Variants in GNG2 observed in about 807,000 individuals in gnomAD.
GNG2 encodes the protein G protein subunit gamma 2.
In GNG2, 5 loss-of-function variants were observed where a neutral mutation model predicts 5.5. The observed-to-expected ratio is 0.91, with a 90% CI of 0.48 to 1.92. The LOEUF is 1.92. Among genes scored for constraint, GNG2 ranks in the 30% most tolerant of loss-of-function variants. The pLI, the probability that GNG2 is intolerant of heterozygous loss-of-function variation, is 0.01. For missense variants in GNG2, 55 were observed against 88.4 expected (o/e 0.62, Z 1.52); for synonymous variants, 28 against 32.0 (o/e 0.88, Z 0.42).
At chr14:51,966,264 G>A (rs1325050856) in intron 3 of GNG2, among the ~76,000 whole-genome samples, 1 of 147,502 alleles carries the variant, frequency 6.8e-6, no homozygotes, top group Non-Finnish European at 1.5e-5. Context: ...CCACCTGCGG[G>A]GCTATGGAAG....
At chr14:51,828,579 ATC>A (rs371468616) in intron 2 of GNG2, among the ~76,000 whole-genome samples, 82 of 152,250 alleles carry the variant, frequency 5.4e-4, no homozygotes, top group Middle Eastern at 3.4e-3. Context: ...GGCTTATGAT[ATC>A]TGTCTGACTC....
intron 2 of GNG2, among the ~76,000 whole-genome samples, chr14:51,835,374 G>A (rs2983088): frequency 0.9 from 137,142 of 152,208 alleles, 62,550 homozygotes; most frequent in Non-Finnish European, 0.98. Context: ...TACTATTTAT[G>A]TTCAGACCTC....
intron 2 of GNG2, among the ~76,000 whole-genome samples, chr14:51,908,569 T>TAGAG (rs1204424222): frequency 6.6e-6 from 1 of 151,292 alleles, no homozygotes; most frequent in Non-Finnish European, 1.5e-5. Context: ...TATCCATATA[T>TAGAG]ATAGAGAGAG....
intron 2 of GNG2, among the ~76,000 whole-genome samples, chr14:51,896,793 T>C (rs1268801374): frequency 2.6e-5 from 4 of 152,140 alleles, no homozygotes; most frequent in Admixed American, 6.5e-5. Flanking sequence ...ATTATAGCCA[T>C]AAACTTTAAA....
In GNG2 at chr14:51,969,506, T is replaced by C. The variant is rs1890104668; in HGVS notation, c.*2819T>C. 6.6e-6 allele frequency: 1 copy of C among 152,244 alleles called. No individual in the cohort carries two copies. Among genetic ancestry groups the C allele is most frequent in the Non-Finnish European group, 1.5e-5 (1 of 68,044 alleles). 9.4% of individuals were successfully genotyped at this position (152,244 alleles called of 1,614,324 possible). A position where few individuals can be genotyped will look rare whatever the true frequency, so the allele number is the denominator to read the frequency against. ...TTCTCCATACGCTCATAGTCACATATGGAATTTTGAGAAAATAAAGCATGC... is the reference window on the plus strand; with the variant it reads ...TTCTCCATACGCTCATAGTCACATACGGAATTTTGAGAAAATAAAGCATGC... On this transcript the variant is annotated 3_prime_UTR_variant, in exon 4 of 4. Transcript: ENST00000556766.
intron 2 of GNG2, among the ~76,000 whole-genome samples, chr14:51,836,799 A>G (rs1241053320): frequency 6.6e-6 from 1 of 151,854 alleles, no homozygotes; most frequent in South Asian, 2.1e-4. Flanking sequence ...TATCACTAAA[A>G]GTTTGTTTTT....
chr14:51,939,862 A>C (rs1888214025), intron 2 of GNG2: 1 of 152,204 alleles, frequency 6.6e-6, no homozygotes, highest in African/African-American at 2.4e-5. Flanking sequence ...TGCCTCTGAA[A>C]ATGTGAATTG....
chr14:51,830,752 A>T (rs1234682124), intron 2 of GNG2, among the ~76,000 whole-genome samples: 2 of 152,170 alleles, frequency 1.3e-5, no homozygotes, highest in Non-Finnish European at 2.9e-5. Context: ...ATAGCTTCTT[A>T]ATAAGCCTCC....
Position 51,929,836 on chromosome 14 carries a change from C to T in GNG2, c.-29-20814C>T, listed in dbSNP as rs900198835. Among the ~76,000 whole-genome samples, 25 of 152,324 alleles carry T rather than the reference C, an allele frequency of 1.6e-4. 1 individual carries two copies. The East Asian group carries it at 4.8e-3, about 29-fold the overall frequency. ...GGCAACAGTTGTGGCGCAGGCTGCT[C>T]TGATGCCAGTTAGACAGATAAATGA... On this transcript the variant is annotated intron_variant, in intron 2 of 3. Coordinates refer to ENST00000556766, the MANE Select transcript of GNG2 (RefSeq NM_053064.5).
chr14:51,850,468 A>C (rs1216739109), intron 2 of GNG2, among the ~76,000 whole-genome samples: 2 of 152,180 alleles, frequency 1.3e-5, no homozygotes, highest in Non-Finnish European at 2.9e-5. Flanking sequence ...TCTGTGGCAC[A>C]TATGAGGCTA....
chr14:51,948,510 A>C (rs1888771866), intron 2 of GNG2, among the ~76,000 whole-genome samples: 1 of 152,160 alleles, frequency 6.6e-6, no homozygotes, highest in African/African-American at 2.4e-5. Flanking sequence ...TGCATCCAAT[A>C]TTGGATGAAT....
rs55746988 is a variant in GNG2 at position 51,877,768 on chromosome 14, G to T, written c.-30+111G>T. The T allele has an allele frequency of 9.6e-4, 348 of 361,486 alleles. 3 individuals carry two copies. Among genetic ancestry groups the T allele is most frequent in the Non-Finnish European group, 1.5e-3 (269 of 180,060 alleles). 22.4% of individuals were successfully genotyped at this position (361,486 alleles called of 1,614,324 possible). A position where few individuals can be genotyped will look rare whatever the true frequency, so the allele number is the denominator to read the frequency against. ...GAAAGCATGTGATGTTTTATTGAAA[G>T]AAACAGTCATAGAGTCCTTATCAAT... On this transcript the variant is annotated intron_variant, in intron 2 of 3. Transcript: ENST00000556766.
chr14:51,900,637 G>C (rs73295006), intron 2 of GNG2, among the ~76,000 whole-genome samples: 5,760 of 150,896 alleles, frequency 0.038, 269 homozygotes, highest in East Asian at 0.19. Flanking sequence ...TTTCTTAACA[G>C]ACTCAATACT....
intron 2 of GNG2, among the ~76,000 whole-genome samples, chr14:51,903,938 A>G (rs1034262860): frequency 6.6e-6 from 1 of 152,236 alleles, no homozygotes; most frequent in Non-Finnish European, 1.5e-5. Flanking sequence ...TGTATCCACC[A>G]TGGGCATTCT....
intron 2 of GNG2, among the ~76,000 whole-genome samples, chr14:51,829,443 C>T (rs568452667): frequency 6.6e-6 from 1 of 152,266 alleles, no homozygotes; most frequent in South Asian, 2.1e-4. Flanking sequence ...TCATTATGTC[C>T]TCATCTTACT....
At chr14:51,946,214 G>C (rs113726126) in intron 2 of GNG2, among the ~76,000 whole-genome samples, 1 of 152,204 alleles carries the variant, frequency 6.6e-6, no homozygotes, top group Non-Finnish European at 1.5e-5. Flanking sequence ...CAGCAACATA[G>C]TATTCAAAAT....
chr14:51,946,101 C>T (rs897706987), intron 2 of GNG2, among the ~76,000 whole-genome samples: 3 of 152,110 alleles, frequency 2.0e-5, no homozygotes, highest in African/African-American at 4.8e-5. Context: ...ATGCATTTAA[C>T]GTCTTGGGGT....
At chr14:51,884,982 CTG>C (rs1884347763) in intron 2 of GNG2, among the ~76,000 whole-genome samples, 1 of 152,154 alleles carries the variant, frequency 6.6e-6, no homozygotes, top group Non-Finnish European at 1.5e-5. Context: ...TCATGGAAAG[CTG>C]TGTTTCAGTC....
At chr14:51,867,882 A>G (rs762205206) in intron 1 of GNG2, among the ~76,000 whole-genome samples, 7 of 152,208 alleles carry the variant, frequency 4.6e-5, no homozygotes, top group Non-Finnish European at 8.8e-5. Flanking sequence ...TCTAGTGTGT[A>G]TAACAGCAAT....
Sources: allele counts gnomAD v4.1 joint callset (sites outside exome capture counted in the v4.1 genomes callset), GRCh38; gene constraint gnomAD v4.1.1; transcripts MANE v1.5; gene names NCBI Gene and HGNC (gene_info 2026-07-23, HGNC 2026-07-21).